Variants in TNRC18 observed in about 807,000 individuals in gnomAD.
TNRC18 encodes trinucleotide repeat-containing gene 18 protein.
TNRC18 carries 69 observed loss-of-function variants against 226.7 expected under a neutral mutation model. The ratio of observed to expected loss-of-function variants is 0.30; its 90% CI spans 0.25 to 0.37. TNRC18 has a LOEUF of 0.37. TNRC18 is among the 10% of genes least tolerant of loss of function. TNRC18 has a pLI of 1.00. For synonymous variants in TNRC18, 2,449 were observed against 1,927.6 expected (o/e 1.27, Z -7.09); for missense variants, 4,754 against 4,256.6 (o/e 1.12, Z -3.25).
chr7:5,368,891 T>G (rs765686115), intron 11 of TNRC18, among the ~76,000 whole-genome samples: 1 of 152,164 alleles, frequency 6.6e-6, no homozygotes, highest in Non-Finnish European at 1.5e-5. Flanking sequence ...AGTCATTCTG[T>G]GTCTGGCCCA....
intron 18 of TNRC18, among the ~76,000 whole-genome samples, chr7:5,337,171 A>T (rs1790200012): frequency 6.6e-6 from 1 of 152,208 alleles, no homozygotes; most frequent in African/African-American, 2.4e-5. Context: ...TCGTCTGATT[A>T]ATGGCGAACT....
chr7:5,325,447 G>A (rs539564526), intron 19 of TNRC18, 199 bp from the exon 20 acceptor site: 30 of 560,892 alleles, frequency 5.3e-5, no homozygotes, highest in African/African-American at 1.2e-4. Context: ...TTTTTGAGAC[G>A]GAGTCTCGCT....
chr7:5,403,165 CT>C (rs567575917), intron 2 of TNRC18, among the ~76,000 whole-genome samples: 42,866 of 145,126 alleles, frequency 0.3, 6,342 homozygotes, highest in South Asian at 0.35. Flanking sequence ...TTTATCTTCA[CT>C]TTTTTTTTTT....
At chr7:5,339,815 C>G (rs1010566719) in intron 18 of TNRC18, among the ~76,000 whole-genome samples, 1 of 151,596 alleles carries the variant, frequency 6.6e-6, no homozygotes, top group Non-Finnish European at 1.5e-5. Flanking sequence ...AGTGATCCGC[C>G]CACCTCGGCC....
chr7:5,369,294 A>G (rs1583944354), intron 11 of TNRC18, among the ~76,000 whole-genome samples: 1 of 152,290 alleles, frequency 6.6e-6, no homozygotes, highest in East Asian at 1.9e-4. Flanking sequence ...GGCTGCAGTG[A>G]GCCGAGATGA....
chr7:5,423,292 C>G (rs1584151064), intron 1 of TNRC18, 149 bp downstream of exon 1: 1 of 152,156 alleles, frequency 6.6e-6, no homozygotes, highest in Non-Finnish European at 1.5e-5. Context: ...CCCGCCGGCC[C>G]TGGTCCCCGA....
intron 5 of TNRC18, among the ~76,000 whole-genome samples, chr7:5,383,288 A>T (rs1779525744): frequency 6.6e-6 from 1 of 152,164 alleles, no homozygotes; most frequent in South Asian, 2.1e-4. Flanking sequence ...CCTGTCCTTC[A>T]TCCATCTCAA....
chr7:5,358,815 A>C (rs1248909185), intron 15 of TNRC18, among the ~76,000 whole-genome samples: 5 of 152,140 alleles, frequency 3.3e-5, no homozygotes, highest in South Asian at 2.1e-4. Context: ...CTGTCTCAAA[A>C]AAACAAACAA....
At chr7:5,360,625 G>A (rs940507652) in intron 14 of TNRC18, among the ~76,000 whole-genome samples, 7 of 152,132 alleles carry the variant, frequency 4.6e-5, no homozygotes, top group African/African-American at 1.7e-4. Flanking sequence ...TGGGACTCAA[G>A]AACAGGAAAT....
intron 2 of TNRC18, among the ~76,000 whole-genome samples, chr7:5,405,882 C>G (rs988355129): frequency 6.6e-6 from 1 of 152,160 alleles, no homozygotes; most frequent in African/African-American, 2.4e-5. Flanking sequence ...TCGGCAACAT[C>G]AAGAGACCCG....
chr7:5,320,988 GAGAAGCAGCCAGGCAC>G, intron 22 of TNRC18, 69 bp downstream of exon 22: 1 of 987,444 alleles, frequency 1.0e-6, no homozygotes. Flanking sequence ...GCCCAGAAAG[GAGAAGCAGCCAGGCAC>G]AGAGGCGGCC....
intron 11 of TNRC18, among the ~76,000 whole-genome samples, chr7:5,363,548 A>G (rs112968245): frequency 0.095 from 14,488 of 152,034 alleles, 829 homozygotes; most frequent in Middle Eastern, 0.15. Flanking sequence ...AGCTTGCAGT[A>G]AGCCGAGATG....
intron 18 of TNRC18, among the ~76,000 whole-genome samples, chr7:5,344,270 AC>A (rs1790951003): frequency 2.0e-5 from 3 of 152,318 alleles, no homozygotes; most frequent in South Asian, 4.1e-4. Context: ...GACAGGTAGC[AC>A]TGATCAGAGG....
At chr7:5,378,153 G>A (rs1779138416) in intron 5 of TNRC18, 129 bp from the exon 6 acceptor site, 1 of 658,010 alleles carries the variant, frequency 1.5e-6, no homozygotes, top group Non-Finnish European at 2.6e-6. Context: ...CATCCGTGTA[G>A]TGCCTTCACC....
At chr7:5,363,430 A>G (rs1249504427) in intron 11 of TNRC18, among the ~76,000 whole-genome samples, 3 of 151,680 alleles carry the variant, frequency 2.0e-5, no homozygotes, top group Admixed American at 6.6e-5. Context: ...GTGAAATCCC[A>G]TCTCTACTAA....
chr7:5,310,764 C>T (rs192899201), intron 27 of TNRC18, among the ~76,000 whole-genome samples: 4 of 152,372 alleles, frequency 2.6e-5, no homozygotes, highest in Non-Finnish European at 4.4e-5. Context: ...CCACTGACCC[C>T]TTCTGGAACA....
chr7:5,360,791 T>C (rs1583909777), intron 14 of TNRC18, among the ~76,000 whole-genome samples: 1 of 152,148 alleles, frequency 6.6e-6, no homozygotes, highest in East Asian at 1.9e-4. Context: ...TCCAAGAATG[T>C]TAAATGCAAG....
chr7:5,325,412 T>C, intron 19 of TNRC18, 164 bp from the exon 20 acceptor site: 1 of 752,518 alleles, frequency 1.3e-6, no homozygotes, highest in South Asian at 2.0e-5. Context: ...GCGTTTTTGG[T>C]TTTGGGTTTT....
chr7:5,352,046 G>C lies in TNRC18; in HGVS notation c.5243C>G (p.Ala1748Gly). The change falls in exon 17 of 30, where the codon GCC (alanine) becomes GGC (glycine). Residue 1748 changes from alanine (A) to glycine (G), a missense_variant. Coordinates refer to ENST00000430969, the MANE Select transcript of TNRC18 (RefSeq NM_001080495.3). ...CAGTTTGGAGCTGGAGGGGCCTTGG[G>C]CGGGCCACTCGTCCTTCAGGAATTC... The part of the protein sequence containing the change: ...DEEFLKDEWP[A>G]QGPSSSKLTP... 1.9e-6 allele frequency: 3 copies of C among 1,613,310 alleles called. No individual in the cohort carries two copies. The highest frequency in any genetic ancestry group is 1.7e-6 in the Non-Finnish European group (2 of 1,179,662).
Sources: allele counts gnomAD v4.1 joint callset (sites outside exome capture counted in the v4.1 genomes callset), GRCh38; gene constraint gnomAD v4.1.1; transcripts MANE v1.5; gene names NCBI Gene and HGNC (gene_info 2026-07-23, HGNC 2026-07-21).